The following RRP15 variants were observed in gnomAD, a reference collection of about 807,000 sequenced individuals.
The protein encoded by RRP15 is RRP15-like protein.
A neutral mutation model predicts 27.1 loss-of-function variants in RRP15; 18 were observed. The observed-to-expected ratio is 0.66, with a 90% confidence interval of 0.46 to 0.98. The LOEUF (loss-of-function observed/expected upper bound fraction) is 0.98, where lower values mean the gene tolerates loss of function less well. Ranked by LOEUF, RRP15 falls within the 50% of genes least tolerant of loss-of-function variation. The pLI, the probability that RRP15 is intolerant of heterozygous loss-of-function variation, is 0.00. For missense variants in RRP15, 359 were observed against 337.8 expected (o/e 1.06, Z -0.49); for synonymous variants, 107 against 109.4 (o/e 0.98, Z 0.14).
At chr1:218,315,143 T>C (rs1023319443) in intron 4 of RRP15, among the ~76,000 whole-genome samples, 3 of 152,194 alleles carry the variant, frequency 2.0e-5, no homozygotes, top group Non-Finnish European at 1.5e-5. Context: ...ATGTCATACA[T>C]AGAGGTAAGG....
At chr1:218,327,925 A>T (rs1233704606) in intron 4 of RRP15, among the ~76,000 whole-genome samples, 1 of 152,234 alleles carries the variant, frequency 6.6e-6, no homozygotes, top group African/African-American at 2.4e-5. Context: ...TGTTTATGTA[A>T]AGCAAATAAA....
Position 218,285,385 on chromosome 1 carries a change from G to A in RRP15, c.69G>A (p.Lys23=), listed in dbSNP as rs1655527854. ...EENLKKTPKK[K]MKMVTGAVAS... ...ACCTGAAAAAGACCCCAAAGAAGAA[G>A]ATGAAAATGGTAACTGGAGCCGTAG... The change falls in exon 1 of 5, where the codon AAG becomes AAA. Residue 23 remains lysine (K), a synonymous_variant. Transcript: ENST00000366932. 3.7e-6 allele frequency: 6 copies of A among 1,614,008 alleles called. No individual in the cohort carries two copies. The highest frequency in any genetic ancestry group is 5.1e-6 in the Non-Finnish European group (6 of 1,180,030).
chr1:218,305,145 CT>C lies in RRP15; in HGVS notation c.503+23del. The C allele has an allele frequency of 6.4e-7, 1 of 1,574,210 alleles. No individual in the cohort carries two copies. ...AACAAGGTAAGGTAGTGTTTTTGCCCTTTAAAAAATAAGTATACTAAAGCTA... is the reference window on the plus strand; with the variant it reads ...AACAAGGTAAGGTAGTGTTTTTGCCCTTAAAAAATAAGTATACTAAAGCTA... On this transcript the variant is annotated intron_variant, in intron 3 of 4. Transcript: ENST00000366932.
At chr1:218,313,005 T>C (rs910781259) in intron 4 of RRP15, among the ~76,000 whole-genome samples, 1 of 152,226 alleles carries the variant, frequency 6.6e-6, no homozygotes, top group African/African-American at 2.4e-5. Context: ...CTTACGCATT[T>C]GGAGGCCAAT....
rs995764725 is a variant in RRP15, at chr1:218,332,460, T to A, written c.*1369T>A. The stretch of plus-strand genomic sequence containing the variant: ...ATGATCTGTCCCTTTTTGAAAAGGA[T>A]CCATCCCTTTTCATAATAAAAATAA... On this transcript the variant is annotated 3_prime_UTR_variant, in exon 5 of 5. Coordinates refer to ENST00000366932, the MANE Select transcript of RRP15 (RefSeq NM_016052.4). 5.3e-5 allele frequency: 8 copies of A among 152,280 alleles called. No individual in the cohort carries two copies. Among genetic ancestry groups the A allele is most frequent in the African/African-American group, 1.9e-4 (8 of 41,574 alleles). The allele number at this position is 152,280 out of a possible 1,614,324, so 9.4% of individuals were successfully genotyped here.
intron 1 of RRP15, among the ~76,000 whole-genome samples, chr1:218,298,099 A>G (rs1267681788): frequency 1.3e-5 from 2 of 152,090 alleles, no homozygotes; most frequent in African/African-American, 2.4e-5. Flanking sequence ...TATGATTACA[A>G]TAGTAATTTT....
chr1:218,307,429 AG>A lies in RRP15; in HGVS notation c.506del. 1 of 1,611,350 alleles carries A rather than the reference AG, an allele frequency of 6.2e-7. No homozygotes were observed. The highest frequency in any genetic ancestry group is 8.5e-7 in the Non-Finnish European group (1 of 1,177,852). ...TCATTCTGGTCATTTTATATTCTAC[AG>A]GGGTGTGGTGCAATTATTTAATGCT... On this transcript the variant is annotated splice_acceptor_variant, in intron 3 of 4. Coordinates refer to ENST00000366932, the MANE Select transcript of RRP15 (RefSeq NM_016052.4). LOFTEE classifies it high-confidence loss of function.
At chr1:218,330,182 T>A (rs1656343864) in intron 4 of RRP15, among the ~76,000 whole-genome samples, 1 of 152,148 alleles carries the variant, frequency 6.6e-6, no homozygotes, top group Non-Finnish European at 1.5e-5. Flanking sequence ...GTGGAAGGAA[T>A]GAAAAATTTT....
At chr1:218,308,877 TG>T (rs1655944618) in intron 4 of RRP15, among the ~76,000 whole-genome samples, 1 of 152,238 alleles carries the variant, frequency 6.6e-6, no homozygotes, top group Non-Finnish European at 1.5e-5. Flanking sequence ...AACATTTTAC[TG>T]TAAGAGTTAG....
At chr1:218,306,978 A>G (rs1655909785) in intron 3 of RRP15, among the ~76,000 whole-genome samples, 1 of 152,182 alleles carries the variant, frequency 6.6e-6, no homozygotes, top group Non-Finnish European at 1.5e-5. Flanking sequence ...TGCAGGTCTT[A>G]ATTTTCAGAA....
intron 4 of RRP15, 100 bp from the exon 5 acceptor site, chr1:218,330,847 TA>T: frequency 1.1e-6 from 1 of 946,352 alleles, no homozygotes; most frequent in Non-Finnish European, 1.6e-6. Flanking sequence ...ACCCCTATTT[TA>T]AAAACTAAGC....
In RRP15 at chr1:218,309,908, C is replaced by G. The variant is rs558945443; in HGVS notation, c.705+2276C>G. Among the ~76,000 whole-genome samples the G allele has an allele frequency of 2.9e-3, 447 of 152,044 alleles. 1 individual carries two copies. The highest frequency in any genetic ancestry group is 4.3e-3 in the Non-Finnish European group (294 of 67,978). ...AACAAGATGTACATTAAGTGGCTAC[C>G]CCTGTGTGAAGGGAATTTCAGAGTA... On this transcript the variant is annotated intron_variant, in intron 4 of 4. Transcript: ENST00000366932.
In RRP15 at chr1:218,331,041, G is replaced by C. The variant is rs1266530158; in HGVS notation, c.799G>C (p.Asp267His). 2 of 1,613,560 alleles carry C rather than the reference G, an allele frequency of 1.2e-6. No individual in the cohort carries two copies. The highest frequency in any genetic ancestry group is 1.7e-5 in the Admixed American group (1 of 59,994). ...TATGAAAGACTGGGACAAGGAAAGT[G>C]ATGGGCCAGATGACAGCAGACCAGA... ...ASMKDWDKES[D>H]GPDDSRPESA... is the part of the protein sequence containing the mutation. Residue 267 changes from aspartate to histidine, a missense_variant, in exon 5 of 5, where the codon GAT becomes CAT. Coordinates refer to ENST00000366932, the MANE Select transcript of RRP15 (RefSeq NM_016052.4).
At position 218,302,445 on chromosome 1, in the gene RRP15, T is replaced by G; in HGVS notation, c.291T>G (p.Ala97=). The G allele has an allele frequency of 1.2e-6, 2 of 1,614,104 alleles. No homozygotes were observed. Among genetic ancestry groups the G allele is most frequent in the Non-Finnish European group, 1.7e-6 (2 of 1,180,004 alleles). The part of the protein sequence containing the change: ...GTNMGWADAM[A]KVLNKKTPES... ...ATATGGGCTGGGCAGATGCTATGGC[T>G]AAAGTCCTCAACAAGAAAACTCCTG... Residue 97 remains alanine, a synonymous_variant, in exon 2 of 5, where the codon GCT becomes GCG. Coordinates refer to ENST00000366932, the MANE Select transcript of RRP15 (RefSeq NM_016052.4).
intron 4 of RRP15, among the ~76,000 whole-genome samples, chr1:218,324,425 G>C (rs1571808806): frequency 6.6e-6 from 1 of 152,214 alleles, no homozygotes; most frequent in Non-Finnish European, 1.5e-5. Flanking sequence ...CTGCCTGCCT[G>C]TGTGAGCGTG....
intron 4 of RRP15, among the ~76,000 whole-genome samples, chr1:218,330,365 T>G (rs1196137179): frequency 6.6e-6 from 1 of 152,206 alleles, no homozygotes; most frequent in Non-Finnish European, 1.5e-5. Context: ...ATACGATTAG[T>G]CTTTGATTAC....
chr1:218,314,708 T>C (rs532952862), intron 4 of RRP15, among the ~76,000 whole-genome samples: 1 of 152,076 alleles, frequency 6.6e-6, no homozygotes, highest in Non-Finnish European at 1.5e-5. Context: ...AAAATGATTT[T>C]TTGGCGGGAC....
At chr1:218,309,701 A>C (rs1241894426) in intron 4 of RRP15, among the ~76,000 whole-genome samples, 2 of 151,468 alleles carry the variant, frequency 1.3e-5, no homozygotes, top group East Asian at 3.9e-4. Flanking sequence ...AAAAAAAAAA[A>C]AAAAAAACAT....
At chr1:218,311,130 T>G (rs1351112275) in intron 4 of RRP15, among the ~76,000 whole-genome samples, 1 of 152,212 alleles carries the variant, frequency 6.6e-6, no homozygotes, top group African/African-American at 2.4e-5. Context: ...AAAACTGAAT[T>G]TATGGTTAAA....
Sources: gnomAD v4.1 joint callset for allele counts (sites outside exome capture counted in the v4.1 genomes callset) on GRCh38, gnomAD v4.1.1 for gene constraint, MANE v1.5 for transcripts, NCBI Gene and HGNC (gene_info 2026-07-23, HGNC 2026-07-21) for gene names.